The following SHTN1 variants were observed in gnomAD, a reference collection of about 807,000 sequenced individuals.
SHTN1 encodes the protein shootin-1.
SHTN1 carries 42 observed loss-of-function variants against 83.1 expected under a neutral mutation model. The ratio of observed to expected loss-of-function variants is 0.51; its 90% confidence interval spans 0.39 to 0.65. The LOEUF (loss-of-function observed/expected upper bound fraction) is 0.65. Among genes scored for constraint, SHTN1 ranks in the 30% least tolerant of loss-of-function variants. The probability of loss-of-function intolerance (pLI) is 0.00; values close to 1 mark genes in which losing one functional copy is unlikely to be tolerated. For synonymous variants in SHTN1, 224 were observed against 247.7 expected, an observed-to-expected ratio of 0.90 and a Z score of 0.90; for missense variants, 622 against 737.8, an observed-to-expected ratio of 0.84 and a Z score of 1.82.
chr10:117,097,891 GT>G (rs998159464), intron 1 of SHTN1, among the ~76,000 whole-genome samples: 67 of 145,638 alleles, frequency 4.6e-4, no homozygotes, highest in Middle Eastern at 3.6e-3. Flanking sequence ...ATCAAAGGTT[GT>G]TTTTTTTTTT....
At chr10:116,916,052 A>C (rs1848371585) in intron 12 of SHTN1, among the ~76,000 whole-genome samples, 1 of 152,248 alleles carries the variant, frequency 6.6e-6, no homozygotes, top group Non-Finnish European at 1.5e-5. Context: ...ACATTTAAGC[A>C]AACCTTTCTC....
rs770688660 is a variant in SHTN1, at chr10:116,921,487, G to C, written c.1142C>G (p.Ser381Cys). ...RSLMSMIRKRSHPSGSGAKKE... is the reference protein window; with the variant it reads ...RSLMSMIRKRCHPSGSGAKKE... ...CTTAGCACCACTGCCACTGGGGTGGGATCGTTTCCGGATCATGGACATGAG... is the reference window on the plus strand; with the variant it reads ...CTTAGCACCACTGCCACTGGGGTGGCATCGTTTCCGGATCATGGACATGAG... Residue 381 changes from serine (S) to cysteine (C), a missense_variant, in exon 12 of 17, where the codon TCC becomes TGC. Physicochemically the swap from Ser to Cys is moderately radical, Grantham distance 112. Transcript: ENST00000355371. 1 of 1,613,728 alleles carries C rather than the reference G, an allele frequency of 6.2e-7. No individual in the cohort carries two copies. The highest frequency in any genetic ancestry group is 8.5e-7 in the Non-Finnish European group (1 of 1,179,790).
chr10:117,058,258 A>G (rs1428137343), intron 1 of SHTN1, among the ~76,000 whole-genome samples: 1 of 152,208 alleles, frequency 6.6e-6, no homozygotes, highest in Non-Finnish European at 1.5e-5. Flanking sequence ...ATGGGAGAAA[A>G]TATTTGCAAA....
intron 2 of SHTN1, among the ~76,000 whole-genome samples, chr10:117,017,267 G>A (rs529750169): frequency 1.1e-3 from 164 of 152,118 alleles, no homozygotes; most frequent in African/African-American, 3.8e-3. Context: ...CGAGGAGGGC[G>A]GATCACGAGG....
At chr10:117,099,324 C>A (rs1853555516) in intron 1 of SHTN1, among the ~76,000 whole-genome samples, 2 of 151,784 alleles carry the variant, frequency 1.3e-5, no homozygotes, top group Non-Finnish European at 2.9e-5. Context: ...TTAGAATTCA[C>A]CACTAAAGAA....
chr10:117,101,435 G>C (rs1252107811), intron 1 of SHTN1, among the ~76,000 whole-genome samples: 3 of 152,226 alleles, frequency 2.0e-5, no homozygotes, highest in Admixed American at 6.5e-5. Flanking sequence ...TAAGAGAACA[G>C]CTGGAGAAGG....
At chr10:116,940,345 TA>T (rs1261934450) in intron 9 of SHTN1, 120 bp downstream of exon 9, 31 of 1,037,954 alleles carry the variant, frequency 3.0e-5, no homozygotes, top group Non-Finnish European at 4.1e-5. Context: ...ACTTAGTAAC[TA>T]AGGCAAAATA....
At chr10:116,899,723 A>G (rs1847664148) in intron 16 of SHTN1, among the ~76,000 whole-genome samples, 1 of 152,174 alleles carries the variant, frequency 6.6e-6, no homozygotes, top group South Asian at 2.1e-4. Context: ...GAATGCAAAG[A>G]CAGTTTTTAA....
At chr10:116,990,673 T>C (rs1216279464) in intron 1 of SHTN1, among the ~76,000 whole-genome samples, 1 of 152,188 alleles carries the variant, frequency 6.6e-6, no homozygotes, top group Admixed American at 6.5e-5. Flanking sequence ...TTTTAAGTCA[T>C]AAAGAGGCTT....
intron 1 of SHTN1, among the ~76,000 whole-genome samples, chr10:116,983,712 ATACATAC>A (rs1851128962): frequency 6.6e-6 from 1 of 151,572 alleles, no homozygotes; most frequent in Admixed American, 6.6e-5. Context: ...ACATACATAC[ATACATAC>A]ATACATGCAT....
intron 1 of SHTN1, among the ~76,000 whole-genome samples, chr10:117,067,104 A>G (rs144337496): frequency 1.2e-3 from 181 of 152,354 alleles, no homozygotes; most frequent in African/African-American, 4.2e-3. Flanking sequence ...CATATGCCTG[A>G]GGAGAAAGAG....
chr10:117,009,670 C>A (rs1385794557), upstream of SHTN1, among the ~76,000 whole-genome samples: 1 of 151,972 alleles, frequency 6.6e-6, no homozygotes, highest in Non-Finnish European at 1.5e-5. Context: ...TTTGGGAGGC[C>A]GAGACGGGCA....
chr10:117,085,918 A>ATTTTTTT (rs35586223), intron 1 of SHTN1, among the ~76,000 whole-genome samples: 2 of 121,108 alleles, frequency 1.7e-5, no homozygotes, highest in African/African-American at 3.2e-5. Flanking sequence ...GCTTTGTCTG[A>ATTTTTTT]TTTTTTTTTT....
chr10:116,899,652 C>T (rs890729327), intron 16 of SHTN1, among the ~76,000 whole-genome samples: 1 of 152,118 alleles, frequency 6.6e-6, no homozygotes, highest in African/African-American at 2.4e-5. Flanking sequence ...GCCAATAGCG[C>T]CACTCACGTG....
chr10:117,054,228 C>A (rs941704478), intron 1 of SHTN1, among the ~76,000 whole-genome samples: 49 of 152,040 alleles, frequency 3.2e-4, no homozygotes, highest in African/African-American at 1.1e-3. Context: ...AACAACTGAC[C>A]AGCATTAATG....
chr10:117,026,612 G>C (rs1307346875), intron 2 of SHTN1, among the ~76,000 whole-genome samples: 1 of 152,162 alleles, frequency 6.6e-6, no homozygotes, highest in Non-Finnish European at 1.5e-5. Flanking sequence ...AGTAGAGACA[G>C]GGTTTCACCA....
At chr10:116,904,638 G>C (rs1847888651) in intron 15 of SHTN1, among the ~76,000 whole-genome samples, 1 of 151,934 alleles carries the variant, frequency 6.6e-6, no homozygotes, top group Non-Finnish European at 1.5e-5. Flanking sequence ...TATATTGGTG[G>C]AATATAATAC....
intron 1 of SHTN1, among the ~76,000 whole-genome samples, chr10:117,106,086 G>A (rs991168705): frequency 6.6e-6 from 1 of 152,004 alleles, no homozygotes; most frequent in Non-Finnish European, 1.5e-5. Context: ...TTCCAGCCTG[G>A]GCGACAGAGA....
At chr10:116,910,246 T>G (rs894689778) in intron 14 of SHTN1, among the ~76,000 whole-genome samples, 4 of 152,168 alleles carry the variant, frequency 2.6e-5, no homozygotes, top group Non-Finnish European at 5.9e-5. Flanking sequence ...TGAGCTCTAC[T>G]TTTAAAAAAA....
Sources: gnomAD v4.1 joint callset for allele counts (sites outside exome capture counted in the v4.1 genomes callset) on GRCh38, gnomAD v4.1.1 for gene constraint, MANE v1.5 for transcripts, NCBI Gene and HGNC (gene_info 2026-07-23, HGNC 2026-07-21) for gene names.